The following ZNF534 variants were observed in gnomAD, a reference collection of about 807,000 sequenced individuals.
The protein encoded by ZNF534 is KRAB domain only 3.
A neutral mutation model predicts 13.6 loss-of-function variants in ZNF534; 19 were observed. The observed-to-expected ratio is 1.40, with a 90% CI of 0.97 to 2.05. The LOEUF is 2.05. Among genes scored for constraint, ZNF534 ranks in the 30% most tolerant of loss-of-function variants. The pLI is 0.00. For missense variants in ZNF534, 782 were observed against 796.3 expected, an observed-to-expected ratio of 0.98 and a Z score of 0.22; for synonymous variants, 244 against 273.8, an observed-to-expected ratio of 0.89 and a Z score of 1.07.
chr19:52,438,374 A>G lies in ZNF534; in HGVS notation c.914A>G (p.Lys305Arg). Residue 305 changes from lysine (K) to arginine (R), a missense_variant, in exon 5 of 5, where the codon AAA becomes AGA. Lys to Arg is a conservative substitution (Grantham distance 26). Around this residue, in one of 5 missense-constraint regions of ZNF534, gnomAD observed 591 missense variants for 574.0 expected, o/e 1.03. Transcript: ENST00000433050. Reference protein sequence around the residue: ...EKPYKCSECGKAFSVCSSLTA... With the variant: ...EKPYKCSECGRAFSVCSSLTA... ...CCTTACAAATGTAGTGAATGTGGCA[A>G]AGCATTTAGTGTGTGTTCCAGTCTT... is the stretch of plus-strand genomic sequence containing the variant. The G allele has an allele frequency of 6.2e-7, 1 of 1,613,614 alleles. No homozygotes were observed. The highest frequency in any genetic ancestry group is 8.5e-7 in the Non-Finnish European group (1 of 1,179,600).
At chr19:52,434,156 G>C in intron 3 of ZNF534, 75 bp downstream of exon 3, 1 of 1,561,086 alleles carries the variant, frequency 6.4e-7, no homozygotes, top group Non-Finnish European at 8.6e-7. Context: ...TGTGTCTCTC[G>C]GGAGCCCCTG....
downstream of ZNF534, among the ~76,000 whole-genome samples, chr19:52,447,243 G>T (rs1292599223): frequency 1.3e-5 from 2 of 152,120 alleles, no homozygotes; most frequent in Non-Finnish European, 2.9e-5. Flanking sequence ...AAGTAACCCA[G>T]ATCATGTTGA....
intron 4 of ZNF534, 150 bp from the exon 5 acceptor site, chr19:52,437,582 C>A: frequency 1.3e-6 from 1 of 750,092 alleles, no homozygotes; most frequent in Non-Finnish European, 2.1e-6. Flanking sequence ...GCACTCCAGC[C>A]TGGGTGACAA....
chr19:52,433,903 A>AAGATAAGTACTC (rs575166281), intron 2 of ZNF534, 52 bp from the exon 3 acceptor site: 244 of 1,606,080 alleles, frequency 1.5e-4, no homozygotes, highest in Non-Finnish European at 2.0e-4. Flanking sequence ...ATTCTGTTTG[A>AAGATAAGTACTC]AGATAAGTAC....
At chr19:52,451,629 TGGA>T (rs1461459700) in exon 5 of ZNF534, 4 of 646,552 alleles carry the variant, frequency 6.2e-6, no homozygotes, top group Non-Finnish European at 1.1e-5. Flanking sequence ...CCACCACCTA[TGGA>T]GAAGGCTCTT....
chr19:52,437,695 A>G (rs766098444), intron 4 of ZNF534, 37 bp from the exon 5 acceptor site: 1 of 1,515,044 alleles, frequency 6.6e-7, no homozygotes, highest in East Asian at 2.3e-5. Context: ...ACATGCCAGA[A>G]TCGGGATTAA....
rs185147982 is a variant in ZNF534, at chr19:52,441,925, C to T, written c.*2479C>T. On this transcript the variant is annotated 3_prime_UTR_variant, in exon 5 of 5. Coordinates refer to ENST00000433050, the MANE Select transcript of ZNF534 (RefSeq NM_001143938.3). Reference sequence around the variant, plus strand: ...TGAAAGAGTCCTTACAAGCTGTGTACGGAAAGCTCGTCATGAGTTTTAGCA... The same window carrying T: ...TGAAAGAGTCCTTACAAGCTGTGTATGGAAAGCTCGTCATGAGTTTTAGCA... Among the ~76,000 whole-genome samples, 1,827 of 152,234 alleles carry T rather than the reference C, an allele frequency of 0.012. 20 individuals are homozygous for T. The highest frequency in any genetic ancestry group is 0.027 in the Middle Eastern group (8 of 294).
Position 52,441,591 on chromosome 19 carries a change from G to A in ZNF534, c.*2145G>A, listed in dbSNP as rs1240254680. On this transcript the variant is annotated 3_prime_UTR_variant, in exon 5 of 5. Transcript: ENST00000433050. ...AAATCACTATAGAATTCATACTGCA[G>A]AGAAGCCTTACAAATGCAGCGAATG... Among the ~76,000 whole-genome samples, 1 of 152,188 alleles carries A rather than the reference G, an allele frequency of 6.6e-6. No individual in the cohort carries two copies.
intron 4 of ZNF534, among the ~76,000 whole-genome samples, chr19:52,435,947 T>C (rs2059126339): frequency 6.8e-6 from 1 of 146,544 alleles, no homozygotes; most frequent in Admixed American, 6.7e-5. Context: ...TTCTTTTTTT[T>C]TTTTTTTTTG....
At position 52,440,493 on chromosome 19, in the gene ZNF534, A is replaced by T. The variant is rs2059164864; in HGVS notation, c.*1047A>T. On this transcript the variant is annotated 3_prime_UTR_variant, in exon 5 of 5. Coordinates refer to ENST00000433050, the MANE Select transcript of ZNF534 (RefSeq NM_001143938.3). Reference sequence around the variant, plus strand: ...ACATCTTGCACATCAAATAATTCATACTGGAGGCTGGGTGCGGTGGCTCAC... The same window carrying T: ...ACATCTTGCACATCAAATAATTCATTCTGGAGGCTGGGTGCGGTGGCTCAC... 1.3e-5 allele frequency among the ~76,000 whole-genome samples: 2 copies of T among 152,218 alleles called. No homozygotes were observed. Among genetic ancestry groups the T allele is most frequent in the South Asian group, 4.1e-4 (2 of 4,830 alleles).
At chr19:52,450,592 A>G (rs2059209647) in intron 4 of ZNF534, among the ~76,000 whole-genome samples, 1 of 147,314 alleles carries the variant, frequency 6.8e-6, no homozygotes, top group African/African-American at 2.5e-5. Context: ...GTAGTGTAAT[A>G]CCCCTCAGTT....
intron 1 of ZNF534, among the ~76,000 whole-genome samples, chr19:52,429,913 A>G (rs2122644934): frequency 6.6e-6 from 1 of 151,570 alleles, no homozygotes; most frequent in Non-Finnish European, 1.5e-5. Flanking sequence ...TTTGGATGAG[A>G]TCCACTTTTA....
At chr19:52,429,306 G>C (rs2122642614) in intron 1 of ZNF534, 62 bp downstream of exon 1, 1 of 152,302 alleles carries the variant, frequency 6.6e-6, no homozygotes, top group Non-Finnish European at 1.5e-5. Flanking sequence ...TTCTACACCC[G>C]CGATCTGAGG....
intron 3 of ZNF534, 123 bp downstream of exon 3, chr19:52,434,204 A>G: frequency 5.5e-6 from 8 of 1,458,570 alleles, no homozygotes; most frequent in Non-Finnish European, 7.4e-6. Context: ...TGACTAAGAA[A>G]TGAAAAGCAG....
chr19:52,431,146 C>T lies in ZNF534; in HGVS notation c.-67-262C>T, dbSNP rs190956723. ...GATTATAGGTGGGAGCCACCGCACC[C>T]GGCCAAGTCTGTGCTTTTAAGGGGA... On this transcript the variant is annotated intron_variant, in intron 1 of 4. Coordinates refer to ENST00000433050, the MANE Select transcript of ZNF534 (RefSeq NM_001143938.3). Among the ~76,000 whole-genome samples the T allele has an allele frequency of 1.3e-4, 20 of 152,324 alleles. No individual in the cohort carries two copies. The East Asian group carries it at 2.7e-3, about 21-fold the overall frequency.
downstream of ZNF534, among the ~76,000 whole-genome samples, chr19:52,446,188 GATAA>G (rs2059193823): frequency 6.6e-6 from 1 of 152,098 alleles, no homozygotes; most frequent in South Asian, 2.1e-4. Flanking sequence ...AAAATATAAT[GATAA>G]ATAACAGAAA....
downstream of ZNF534, among the ~76,000 whole-genome samples, chr19:52,446,145 C>T (rs1245726906): frequency 6.6e-6 from 1 of 152,142 alleles, no homozygotes; most frequent in Non-Finnish European, 1.5e-5. Context: ...TGCTTGAAAT[C>T]AAGTGTGTCT....
At chr19:52,444,982 C>T (rs1295668536), downstream of ZNF534, among the ~76,000 whole-genome samples, 2 of 152,054 alleles carry the variant, frequency 1.3e-5, no homozygotes. Flanking sequence ...GTGGAGTCTG[C>T]ACACTGGATT....
chr19:52,433,570 G>A (rs1009589575), intron 2 of ZNF534, among the ~76,000 whole-genome samples: 1 of 152,174 alleles, frequency 6.6e-6, no homozygotes, highest in Non-Finnish European at 1.5e-5. Context: ...GTTTCACCGT[G>A]TTGGCCAAGA....
Sources: gnomAD v4.1 joint callset for allele counts (sites outside exome capture counted in the v4.1 genomes callset) on GRCh38, gnomAD v4.1.1 for gene constraint, gnomAD v4.1.1 regional missense constraint, MANE v1.5 for transcripts, NCBI Gene and HGNC (gene_info 2026-07-23, HGNC 2026-07-21) for gene names.